AZIN2: variants seen among roughly 807,000 people sequenced by gnomAD.
AZIN2 encodes the protein antizyme inhibitor 2.
A neutral mutation model predicts 47.8 loss-of-function variants in AZIN2; 28 were observed. The observed-to-expected ratio is 0.59, with a 90% CI of 0.43 to 0.80. AZIN2 has a LOEUF of 0.80. Ranked by LOEUF, AZIN2 falls within the 30% of genes least tolerant of loss-of-function variation. AZIN2 has a pLI of 0.00. For missense variants in AZIN2, 535 were observed against 582.5 expected, an observed-to-expected ratio of 0.92 and a Z score of 0.84; for synonymous variants, 221 against 239.4, an observed-to-expected ratio of 0.92 and a Z score of 0.71.
chr1:33,115,659 C>T (rs1367657637), intron 10 of AZIN2, among the ~76,000 whole-genome samples: 1 of 152,086 alleles, frequency 6.6e-6, no homozygotes, highest in African/African-American at 2.4e-5. Flanking sequence ...GCTGAGATCA[C>T]ACCACTACAC....
chr1:33,139,369 C>G, the AZIN2 span, among the ~76,000 whole-genome samples: 1 of 152,124 alleles, frequency 6.6e-6, no homozygotes. Flanking sequence ...CTCTCTGCAC[C>G]CAGCATGCAA....
At chr1:33,093,674 G>A (rs1025098840) in intron 7 of AZIN2, among the ~76,000 whole-genome samples, 1 of 151,666 alleles carries the variant, frequency 6.6e-6, no homozygotes, top group Non-Finnish European at 1.5e-5. Context: ...TTACCAGCCT[G>A]TAGGACAAAG....
intron 5 of AZIN2, among the ~76,000 whole-genome samples, chr1:33,088,261 G>A (rs142767450): frequency 3.5e-4 from 54 of 152,258 alleles, no homozygotes; most frequent in African/African-American, 1.3e-3. Flanking sequence ...CCGTCATGAA[G>A]GGCCCCCTCA....
At chr1:33,112,194 T>C (rs1644318296) in intron 10 of AZIN2, among the ~76,000 whole-genome samples, 1 of 152,182 alleles carries the variant, frequency 6.6e-6, no homozygotes, top group African/African-American at 2.4e-5. Flanking sequence ...ATCACTACTT[T>C]GGGAAACAAG....
At chr1:33,089,964 C>T (rs1642350203) in intron 5 of AZIN2, among the ~76,000 whole-genome samples, 1 of 152,184 alleles carries the variant, frequency 6.6e-6, no homozygotes, top group East Asian at 1.9e-4. Context: ...CTATTTTCTG[C>T]GTAGCCCTTC....
At chr1:33,152,142 C>T in the AZIN2 span, among the ~76,000 whole-genome samples, 3 of 152,212 alleles carry the variant, frequency 2.0e-5, no homozygotes, top group African/African-American at 7.2e-5. Context: ...GACTGAGGCT[C>T]CAAGGAGACA....
chr1:33,151,506 G>A, the AZIN2 span, among the ~76,000 whole-genome samples: 1 of 152,074 alleles, frequency 6.6e-6, no homozygotes, highest in South Asian at 2.1e-4. Flanking sequence ...ACCAGAAAGG[G>A]ACCTAGAAGG....
the AZIN2 span, chr1:33,145,836 G>A: frequency 2.1e-6 from 1 of 470,700 alleles, no homozygotes; most frequent in Non-Finnish European, 4.4e-6. Flanking sequence ...GGTGGGGCTT[G>A]CTCCACCCAC....
chr1:33,135,904 G>C, the AZIN2 span, among the ~76,000 whole-genome samples: 2 of 152,190 alleles, frequency 1.3e-5, no homozygotes, highest in African/African-American at 4.8e-5. Context: ...AGGGAGTGAA[G>C]AGCACAGTGA....
In AZIN2 at chr1:33,094,578, T is replaced by G; in HGVS notation, c.618T>G (p.Pro206=). The G allele has an allele frequency of 6.2e-7, 1 of 1,614,060 alleles. No individual in the cohort carries two copies. Among genetic ancestry groups the G allele is most frequent in the Non-Finnish European group, 8.5e-7 (1 of 1,179,942 alleles). Residue 206 remains proline, a synonymous_variant, in exon 8 of 12, where the codon CCT becomes CCG. Transcript: ENST00000294517. ...SFHIGSGCPD[P]QAYAQSIADA... ...ACATTGGCAGTGGCTGTCCTGACCC[T>G]CAGGCCTATGCTCAGTCCATCGCAG...
At chr1:33,135,775 C>CTA in the AZIN2 span, among the ~76,000 whole-genome samples, 17 of 152,234 alleles carry the variant, frequency 1.1e-4, no homozygotes, top group Non-Finnish European at 2.5e-4. Flanking sequence ...AACCTATGTG[C>CTA]TATCTTTGCC....
At chr1:33,086,210 G>A (rs1304570576) in intron 5 of AZIN2, among the ~76,000 whole-genome samples, 1 of 152,146 alleles carries the variant, frequency 6.6e-6, no homozygotes, top group African/African-American at 2.4e-5. Context: ...AGCCCTGTGA[G>A]GTAATTACTA....
the AZIN2 span, among the ~76,000 whole-genome samples, chr1:33,140,492 C>T: frequency 1.3e-5 from 2 of 152,216 alleles, no homozygotes; most frequent in South Asian, 4.1e-4. This position sits in a 1 kb window ranked among gnomAD's most constrained non-coding sequence, Gnocchi z 4.0. Context: ...AGGAAGCAGG[C>T]ACAGGGGCTC....
rs1570243239 is a variant in AZIN2, at chr1:33,120,290, A to C, written c.*108A>C. ...ACCCTTGGCCAGGACTCTGGTGCCC[A>C]CCCTGCCACCCCCGCGCTCCACCTG... On this transcript the variant is annotated 3_prime_UTR_variant, in exon 12 of 12. Transcript: ENST00000294517. The C allele has an allele frequency of 6.9e-7, 1 of 1,453,276 alleles. No individual in the cohort carries two copies. 90.0% of individuals were successfully genotyped at this position (1,453,276 alleles called of 1,614,324 possible). A position where few individuals can be genotyped will look rare whatever the true frequency, so the allele number is the denominator to read the frequency against.
In AZIN2 at chr1:33,098,083, C is replaced by T; in HGVS notation, c.933C>T (p.Thr311=). The change falls in exon 10 of 12, where the codon ACC becomes ACT. Residue 311 remains threonine (T), a synonymous_variant. Transcript: ENST00000294517. ...QPGREEENGS[T]SKTIVYHLDE... is the part of the protein sequence containing the mutation. ...CTCCTGCAGAGGAAAATGGTTCCAC[C>T]TCCAAGACCATCGTGTACCACCTTG... 1 of 1,614,156 alleles carries T rather than the reference C, an allele frequency of 6.2e-7. No homozygotes were observed. The highest frequency in any genetic ancestry group is 8.5e-7 in the Non-Finnish European group (1 of 1,180,022).
chr1:33,140,043 A>T, the AZIN2 span, among the ~76,000 whole-genome samples: 2 of 152,060 alleles, frequency 1.3e-5, no homozygotes, highest in African/African-American at 4.8e-5. The surrounding 1 kb of genome is among the most constrained non-coding windows in gnomAD (Gnocchi z 4.0). Flanking sequence ...GTAAATTTTG[A>T]TGGAGGAATG....
At chr1:33,136,393 T>C in the AZIN2 span, among the ~76,000 whole-genome samples, 2 of 151,258 alleles carry the variant, frequency 1.3e-5, no homozygotes, top group African/African-American at 4.9e-5. Context: ...TCTTTCTTGA[T>C]AGTGCCTCGC....
At chr1:33,111,444 CT>C (rs892489104) in intron 10 of AZIN2, among the ~76,000 whole-genome samples, 2 of 151,858 alleles carry the variant, frequency 1.3e-5, no homozygotes, top group African/African-American at 2.4e-5. Flanking sequence ...AGAGTAACCA[CT>C]ACAAGAATAG....
rs1307563941 is a variant in AZIN2, at chr1:33,122,802, GCA to G, written c.*2624_*2625del. Reference sequence around the variant, plus strand: ...GTGCCTCCTGAAGCCCCTCCTGCGCGCACACTCACTCTCTCTCATTCTCTCCT... The same window carrying G: ...GTGCCTCCTGAAGCCCCTCCTGCGCGCACTCACTCTCTCTCATTCTCTCCT... On this transcript the variant is annotated 3_prime_UTR_variant, in exon 12 of 12. Transcript: ENST00000294517. Among the ~76,000 whole-genome samples the G allele has an allele frequency of 6.6e-6, 1 of 152,052 alleles. No homozygotes were observed. Among genetic ancestry groups the G allele is most frequent in the Admixed American group, 6.5e-5 (1 of 15,276 alleles).
Sources: gnomAD v4.1 joint callset for allele counts (sites outside exome capture counted in the v4.1 genomes callset) on GRCh38, gnomAD v4.1.1 for gene constraint, Gnocchi (gnomAD v3.1) non-coding constraint, MANE v1.5 for transcripts, NCBI Gene and HGNC (gene_info 2026-07-23, HGNC 2026-07-21) for gene names.